The following STRN3 variants were observed in gnomAD, a reference collection of about 807,000 sequenced individuals.
STRN3 encodes striatin-3.
Under a neutral mutation model 95.6 loss-of-function variants are expected in STRN3, and 29 were observed. The ratio of observed to expected loss-of-function variants is 0.30; its 90% CI spans 0.23 to 0.41. The LOEUF is 0.41. STRN3 is among the 10% of genes least tolerant of loss of function. STRN3 has a pLI of 1.00. For missense variants in STRN3, 890 were observed against 972.1 expected (o/e 0.92, Z 1.12); for synonymous variants, 331 against 357.6 (o/e 0.93, Z 0.84).
rs779007467 is a variant in STRN3, at chr14:30,905,566, G to A, written c.1889-8C>T. ...ATGTAGGTATTCCATGCTCTGAAAT[G>A]AGCCCAAAGACAGACAATGTAAACA... On this transcript the variant is annotated splice_polypyrimidine_tract_variant and splice_region_variant and intron_variant, in intron 14 of 17. Coordinates refer to ENST00000357479, the MANE Select transcript of STRN3 (RefSeq NM_001083893.2). 4.4e-6 allele frequency: 7 copies of A among 1,594,870 alleles called. No individual in the cohort carries two copies. The Admixed American group carries it at 5.4e-5, about 12-fold the overall frequency.
At chr14:31,008,669 A>G (rs1279872905) in intron 1 of STRN3, among the ~76,000 whole-genome samples, 1 of 152,220 alleles carries the variant, frequency 6.6e-6, no homozygotes, top group Non-Finnish European at 1.5e-5. Flanking sequence ...AAGCTGGCCT[A>G]GAGAGGTGGA....
Position 30,965,768 on chromosome 14 carries a change from C to CA in STRN3, c.283-9527dup, listed in dbSNP as rs57644568. Among the ~76,000 whole-genome samples, 57 of 103,748 alleles carry CA rather than the reference C, an allele frequency of 5.5e-4. 1 individual carries two copies. The South Asian group carries it at 6.2e-3, about 11-fold the overall frequency. The allele number at this position is 103,748 out of a possible 152,430, so 68.1% of individuals were successfully genotyped here. A position where few individuals can be genotyped will look rare whatever the true frequency, so the allele number is the denominator to read the frequency against. ...GGGTGACAAAAGTGAAACTCCATCT[C>CA]AAAAAAAAAAAAAAAAAAAAACAAC... On this transcript the variant is annotated intron_variant, in intron 1 of 17. Coordinates refer to ENST00000357479, the MANE Select transcript of STRN3 (RefSeq NM_001083893.2).
At chr14:30,916,496 C>T (rs886256091) in intron 9 of STRN3, among the ~76,000 whole-genome samples, 1 of 152,034 alleles carries the variant, frequency 6.6e-6, no homozygotes, top group Admixed American at 6.5e-5. Flanking sequence ...AGGATGGTCT[C>T]GATCTCCTGA....
At chr14:30,970,466 G>C (rs1880771906) in intron 1 of STRN3, among the ~76,000 whole-genome samples, 1 of 152,124 alleles carries the variant, frequency 6.6e-6, no homozygotes, top group African/African-American at 2.4e-5. Context: ...CCCTCCCCCA[G>C]CTGTCAGCTA....
At chr14:30,982,417 C>T (rs532541054) in intron 1 of STRN3, among the ~76,000 whole-genome samples, 210 of 152,308 alleles carry the variant, frequency 1.4e-3, no homozygotes, top group African/African-American at 5.0e-3. Flanking sequence ...AAGCAATTCT[C>T]CTGCCTCAGC....
chr14:30,998,433 C>T (rs970479937), intron 1 of STRN3, among the ~76,000 whole-genome samples: 1 of 152,158 alleles, frequency 6.6e-6, no homozygotes, highest in African/African-American at 2.4e-5. Context: ...CCTAGAAGGC[C>T]ATACTCATGT....
In STRN3 at chr14:30,929,285, C is replaced by T; in HGVS notation, c.1015G>A (p.Glu339Lys). ...WDKDDLSPTA[E>K]VWDVDQGLIS... ...AGTCCCTGGTCTACATCCCAAACCTCAGCAGTTGGGGAGAGGTCATCTTTA... is the reference window on the plus strand; with the variant it reads ...AGTCCCTGGTCTACATCCCAAACCTTAGCAGTTGGGGAGAGGTCATCTTTA... Residue 339 changes from glutamate (E) to lysine (K), a missense_variant, in exon 8 of 18, where the codon GAG becomes AAG. Around this residue, in one of 3 missense-constraint regions of STRN3, gnomAD observed 526 missense variants for 526.3 expected, o/e 1.00. Transcript: ENST00000357479. 1 of 1,613,520 alleles carries T rather than the reference C, an allele frequency of 6.2e-7. No homozygotes were observed. Among genetic ancestry groups the T allele is most frequent in the Non-Finnish European group, 8.5e-7 (1 of 1,179,728 alleles).
intron 9 of STRN3, among the ~76,000 whole-genome samples, chr14:30,914,220 C>T (rs972154582): frequency 6.6e-6 from 1 of 152,154 alleles, no homozygotes; most frequent in Non-Finnish European, 1.5e-5. Context: ...TATCAGTTCA[C>T]TAGAATGAAG....
chr14:30,975,152 A>G (rs1207579662), intron 1 of STRN3, among the ~76,000 whole-genome samples: 1 of 102,094 alleles, frequency 9.8e-6, no homozygotes, highest in African/African-American at 3.2e-5. Flanking sequence ...AAAATATGGA[A>G]CCAGCCTAAA....
intron 1 of STRN3, among the ~76,000 whole-genome samples, chr14:31,003,772 C>A (rs190403171): frequency 8.3e-6 from 1 of 119,764 alleles, no homozygotes; most frequent in East Asian, 2.4e-4. Context: ...TAAACTAAGA[C>A]CTTAATGCAA....
intron 8 of STRN3, among the ~76,000 whole-genome samples, chr14:30,927,092 C>T (rs545674901): frequency 6.6e-6 from 1 of 151,750 alleles, no homozygotes; most frequent in South Asian, 2.1e-4. Context: ...TGGCCTGAGG[C>T]CAAGAGTTCG....
chr14:30,913,555 G>A lies in STRN3; in HGVS notation c.1343C>T (p.Thr448Met), dbSNP rs1323663483. ...VLGLGDLADL[T>M]VTNDADYSYD... is the part of the protein sequence containing the mutation. ...ACTATAGTCTGCATCATTTGTTACC[G>A]TCAAGTCTGCAAGGTCTCCAAGGCC... The change falls in exon 10 of 18, where the codon ACG (threonine) becomes ATG (methionine). Residue 448 changes from threonine to methionine, a missense_variant. This residue lies in a region of STRN3 where 357 missense variants were observed against 422.8 expected (regional missense o/e 0.84). Transcript: ENST00000357479. 12 of 1,612,266 alleles carry A rather than the reference G, an allele frequency of 7.4e-6. No individual in the cohort carries two copies. The highest frequency in any genetic ancestry group is 3.3e-5 in the South Asian group (3 of 90,756).
intron 1 of STRN3, among the ~76,000 whole-genome samples, chr14:30,960,777 G>A (rs778961063): frequency 3.4e-4 from 50 of 147,738 alleles, no homozygotes; most frequent in Non-Finnish European, 5.6e-4. Flanking sequence ...GCTGAGTCAG[G>A]AGAATGGCGT....
chr14:30,987,333 C>T (rs866501156), intron 1 of STRN3, among the ~76,000 whole-genome samples: 8 of 152,170 alleles, frequency 5.3e-5, no homozygotes, highest in South Asian at 2.1e-4. Context: ...TGGTGAAACC[C>T]CATCTCTACT....
intron 1 of STRN3, among the ~76,000 whole-genome samples, chr14:30,957,280 C>T (rs1179542952): frequency 2.0e-5 from 3 of 152,036 alleles, no homozygotes; most frequent in Non-Finnish European, 4.4e-5. Context: ...CGGTGAAACC[C>T]GTCTCTACTA....
intron 4 of STRN3, among the ~76,000 whole-genome samples, chr14:30,947,652 C>G (rs571902363): frequency 6.6e-6 from 1 of 152,098 alleles, no homozygotes; most frequent in East Asian, 1.9e-4. Flanking sequence ...TTCCAAGGAG[C>G]AGTAAAGAAT....
chr14:30,917,107 TAAG>T (rs1045478093), intron 9 of STRN3, among the ~76,000 whole-genome samples: 2 of 152,100 alleles, frequency 1.3e-5, no homozygotes. Flanking sequence ...CCACTGAAAA[TAAG>T]GAGACTGTAT....
intron 1 of STRN3, among the ~76,000 whole-genome samples, chr14:30,992,063 T>C (rs1031276369): frequency 9.9e-5 from 15 of 151,522 alleles, no homozygotes; most frequent in Admixed American, 3.3e-4. Context: ...GTAGAGATAA[T>C]AGTATATGGA....
chr14:31,007,640 C>T (rs757730007), intron 1 of STRN3, among the ~76,000 whole-genome samples: 17 of 152,044 alleles, frequency 1.1e-4, no homozygotes, highest in Non-Finnish European at 2.1e-4. Context: ...CAGTGGTTCA[C>T]ATCCATAATT....
Sources: allele counts gnomAD v4.1 joint callset (sites outside exome capture counted in the v4.1 genomes callset), GRCh38; gene constraint gnomAD v4.1.1; regional missense constraint gnomAD v4.1.1; transcripts MANE v1.5; gene names NCBI Gene and HGNC (gene_info 2026-07-23, HGNC 2026-07-21).